Variants in LRP1B observed in about 807,000 individuals in gnomAD.
LRP1B encodes the protein low-density lipoprotein receptor-related protein 1B.
A neutral mutation model predicts 556.6 loss-of-function variants in LRP1B; 217 were observed. The ratio of observed to expected loss-of-function variants is 0.39; its 90% CI spans 0.35 to 0.44. The LOEUF (loss-of-function observed/expected upper bound fraction) is 0.44, where lower values mean the gene tolerates loss of function less well. LRP1B is among the 20% of genes least tolerant of loss of function. The pLI, the probability that LRP1B is intolerant of heterozygous loss-of-function variation, is 1.00. For missense variants in LRP1B, 5,053 were observed against 5,620.8 expected (o/e 0.90, Z 3.23); for synonymous variants, 2,047 against 1,865.8 (o/e 1.10, Z -2.50).
At chr2:141,181,220 C>T (rs1053820535) in intron 7 of LRP1B, among the ~76,000 whole-genome samples, 5 of 151,794 alleles carry the variant, frequency 3.3e-5, no homozygotes, top group Admixed American at 2.0e-4. Flanking sequence ...ACACAGGATC[C>T]CTGGAACTTC....
intron 86 of LRP1B, among the ~76,000 whole-genome samples, chr2:140,263,888 G>A (rs1682066541): frequency 6.7e-6 from 1 of 150,268 alleles, no homozygotes; most frequent in Admixed American, 6.7e-5. Context: ...ACCTTTTTAG[G>A]TATTTGTTAC....
intron 35 of LRP1B, among the ~76,000 whole-genome samples, chr2:140,764,015 C>T (rs1260173641): frequency 2.0e-5 from 3 of 152,070 alleles, no homozygotes; most frequent in Non-Finnish European, 4.4e-5. Context: ...GAAAAAATGT[C>T]CCAAAGCAAC....
rs570453313 is a variant in LRP1B at position 140,625,037 on chromosome 2, A to G, written c.6800-23398T>C. Among the ~76,000 whole-genome samples the G allele has an allele frequency of 2.0e-5, 3 of 152,260 alleles. No individual in the cohort carries two copies. In the South Asian group the frequency reaches 6.2e-4, roughly 32 times the overall value. On this transcript the variant is annotated intron_variant, in intron 41 of 90. Coordinates refer to ENST00000389484, the MANE Select transcript of LRP1B (RefSeq NM_018557.3). ...TAAGAAAAAGAAATAGGAGCAGAGA[A>G]AGGAGGAAGAGGAGAACATGCAGGA...
intron 89 of LRP1B, among the ~76,000 whole-genome samples, chr2:140,235,279 C>T (rs1680646986): frequency 6.6e-6 from 1 of 151,202 alleles, no homozygotes; most frequent in African/African-American, 2.4e-5. Flanking sequence ...TAAGTACTTT[C>T]AATCCTTTTG....
chr2:142,052,606 C>G (rs566902957), intron 1 of LRP1B, among the ~76,000 whole-genome samples: 1 of 152,128 alleles, frequency 6.6e-6, no homozygotes, highest in Non-Finnish European at 1.5e-5. Flanking sequence ...GTTCCTCCCC[C>G]TCACGTGTAA....
At chr2:141,321,030 C>A (rs1479517189) in intron 3 of LRP1B, among the ~76,000 whole-genome samples, 2 of 152,052 alleles carry the variant, frequency 1.3e-5, no homozygotes, top group African/African-American at 4.8e-5. Context: ...CTTCTTTAAA[C>A]TTTGTTCTTT....
chr2:141,952,223 T>A (rs910056411), intron 1 of LRP1B, among the ~76,000 whole-genome samples: 16 of 152,046 alleles, frequency 1.1e-4, no homozygotes, highest in Admixed American at 1.0e-3. Context: ...GGTGTATATG[T>A]GCCACATTTT....
intron 66 of LRP1B, among the ~76,000 whole-genome samples, chr2:140,402,516 A>C (rs981514248): frequency 3.3e-5 from 5 of 152,180 alleles, no homozygotes; most frequent in African/African-American, 1.2e-4. Flanking sequence ...AGGCAGACTC[A>C]CAATTCCTCT....
Position 140,655,760 on chromosome 2 carries a change from G to A in LRP1B, c.6799+44490C>T, listed in dbSNP as rs989264541. On this transcript the variant is annotated intron_variant, in intron 41 of 90. Coordinates refer to ENST00000389484, the MANE Select transcript of LRP1B (RefSeq NM_018557.3). The stretch of plus-strand genomic sequence containing the variant: ...AATCGAAACCATCCTGGCTAACACG[G>A]TGAAACCCCGTCTCTACTAAAAATA... Among the ~76,000 whole-genome samples the A allele has an allele frequency of 7.6e-4, 115 of 152,126 alleles. 1 individual carries two copies. Among genetic ancestry groups the A allele is most frequent in the Non-Finnish European group, 2.6e-4 (18 of 68,020 alleles).
chr2:140,256,015 G>C (rs1681659911), intron 86 of LRP1B, among the ~76,000 whole-genome samples: 1 of 151,858 alleles, frequency 6.6e-6, no homozygotes, highest in African/African-American at 2.4e-5. Context: ...TCTTGTCCCA[G>C]GATAACAAAA....
chr2:140,813,798 T>C lies in LRP1B; in HGVS notation c.5218A>G (p.Ile1740Val). 1 of 1,602,066 alleles carries C rather than the reference T, an allele frequency of 6.2e-7. No individual in the cohort carries two copies. The highest frequency in any genetic ancestry group is 1.1e-5 in the South Asian group (1 of 89,640). ...QNQKEPVGLS[I>V]DYVENKLYWI... ...TAAAGCTTGTTTTCCACATAGTCTA[T>C]CGATAGACCTGTAATTAAATTTTAC... is the stretch of plus-strand genomic sequence containing the variant. Residue 1740 changes from isoleucine (I) to valine (V), a missense_variant, in exon 32 of 91, where the codon ATA becomes GTA. Physicochemically the swap from Ile to Val is conservative, Grantham distance 29. Around this residue, in one of 5 missense-constraint regions of LRP1B, gnomAD observed 3,619 missense variants for 3,931.9 expected, o/e 0.92. Coordinates refer to ENST00000389484, the MANE Select transcript of LRP1B (RefSeq NM_018557.3).
chr2:140,709,065 A>G (rs1414887611), intron 37 of LRP1B, among the ~76,000 whole-genome samples: 2 of 152,108 alleles, frequency 1.3e-5, no homozygotes, highest in African/African-American at 2.4e-5. Context: ...ATACTGAAAA[A>G]GTATATACAT....
intron 66 of LRP1B, among the ~76,000 whole-genome samples, chr2:140,439,852 A>G (rs1339620376): frequency 6.6e-6 from 1 of 152,062 alleles, no homozygotes; most frequent in Non-Finnish European, 1.5e-5. Context: ...TTCAATAAAC[A>G]TGGTATTTCA....
chr2:141,717,869 T>C lies in LRP1B; in HGVS notation c.205+92410A>G, dbSNP rs144685111. Among the ~76,000 whole-genome samples the C allele has an allele frequency of 4.6e-5, 7 of 152,356 alleles. No individual in the cohort carries two copies. In the East Asian group the frequency reaches 1.2e-3, roughly 25 times the overall value. ...GTGTAAATGATCTTATCTTGCTCCT[T>C]CTATGAGACAGAGTAATTTTAGCCA... On this transcript the variant is annotated intron_variant, in intron 2 of 90. Transcript: ENST00000389484.
intron 41 of LRP1B, among the ~76,000 whole-genome samples, chr2:140,692,378 A>G (rs1686276127): frequency 6.6e-6 from 1 of 152,132 alleles, no homozygotes; most frequent in Non-Finnish European, 1.5e-5. Flanking sequence ...TCTCTCTAAA[A>G]GTGTGAATTG....
At chr2:141,770,818 G>A (rs932016530) in intron 2 of LRP1B, among the ~76,000 whole-genome samples, 4 of 152,182 alleles carry the variant, frequency 2.6e-5, no homozygotes, top group Non-Finnish European at 5.9e-5. Context: ...GTGTGGAAAT[G>A]AGTTGCCTGT....
intron 1 of LRP1B, among the ~76,000 whole-genome samples, chr2:142,087,892 A>C (rs1401038364): frequency 6.6e-6 from 1 of 152,152 alleles, no homozygotes; most frequent in Non-Finnish European, 1.5e-5. Context: ...TACAAACGAA[A>C]GTAGTTTCAA....
At chr2:140,287,743 C>A (rs1424766694) in intron 84 of LRP1B, among the ~76,000 whole-genome samples, 1 of 150,858 alleles carries the variant, frequency 6.6e-6, no homozygotes. Flanking sequence ...GTGCTCTGTA[C>A]TTAAGGTGTA....
rs1558996101 is a variant in LRP1B at position 140,600,766 on chromosome 2, G to GTT, written c.6989+683_6989+684insAA. 7.6e-4 allele frequency among the ~76,000 whole-genome samples: 35 copies of GTT among 46,202 alleles called. 1 individual carries two copies. The highest frequency in any genetic ancestry group is 2.2e-3 in the African/African-American group (27 of 12,186). The allele number at this position is 46,202 out of a possible 152,430, so 30.3% of individuals were successfully genotyped here. On this transcript the variant is annotated intron_variant, in intron 42 of 90. Transcript: ENST00000389484. The stretch of plus-strand genomic sequence containing the variant: ...TCCTTACCTGTGCTTTGTTCTTCGG[G>GTT]GTTTTTTTTTTTTTTTTTTTTTTTT...
Sources: gnomAD v4.1 joint callset for allele counts (sites outside exome capture counted in the v4.1 genomes callset) on GRCh38, gnomAD v4.1.1 for gene constraint, gnomAD v4.1.1 regional missense constraint, MANE v1.5 for transcripts, NCBI Gene and HGNC (gene_info 2026-07-23, HGNC 2026-07-21) for gene names.